The following PHF14 variants were observed in gnomAD, a reference collection of about 807,000 sequenced individuals.
PHF14 encodes PHD finger protein 14.
In PHF14, 55 loss-of-function variants were observed where a neutral mutation model predicts 117.9. The ratio of observed to expected loss-of-function variants is 0.47; its 90% confidence interval spans 0.38 to 0.58. PHF14 has a LOEUF of 0.58. Ranked by LOEUF, PHF14 falls within the 20% of genes least tolerant of loss-of-function variation. The probability of loss-of-function intolerance (pLI) is 0.00; values close to 1 mark genes in which losing one functional copy is unlikely to be tolerated. For synonymous variants in PHF14, 409 were observed against 368.6 expected (o/e 1.11, Z -1.26); for missense variants, 978 against 1,122.2 (o/e 0.87, Z 1.84).
At chr7:10,999,603 A>G (rs565246127) in intron 4 of PHF14, among the ~76,000 whole-genome samples, 7 of 152,174 alleles carry the variant, frequency 4.6e-5, no homozygotes, top group Non-Finnish European at 1.0e-4. Flanking sequence ...CATTGTTCAG[A>G]TAAACATAGA....
At chr7:11,117,820 A>C (rs1377667062) in intron 17 of PHF14, among the ~76,000 whole-genome samples, 1 of 151,830 alleles carries the variant, frequency 6.6e-6, no homozygotes, top group Non-Finnish European at 1.5e-5. Context: ...TATAAAATTA[A>C]AATGAATTAT....
At chr7:11,017,955 C>T (rs1483801360) in intron 5 of PHF14, among the ~76,000 whole-genome samples, 5 of 152,018 alleles carry the variant, frequency 3.3e-5, no homozygotes, top group South Asian at 4.1e-4. Flanking sequence ...CAAGAGATGG[C>T]GTCTAGTTTC....
intron 4 of PHF14, among the ~76,000 whole-genome samples, chr7:11,009,867 A>G (rs1783280977): frequency 6.6e-6 from 1 of 152,220 alleles, no homozygotes; most frequent in Admixed American, 6.5e-5. Flanking sequence ...TTTCCTGGGA[A>G]TGGATTTCAG....
chr7:11,114,768 C>A (rs1023174930), intron 17 of PHF14, among the ~76,000 whole-genome samples: 6 of 152,014 alleles, frequency 3.9e-5, no homozygotes, highest in African/African-American at 1.4e-4. Flanking sequence ...CATACAAATA[C>A]ACAGAGACAC....
chr7:11,149,764 TAG>T (rs1265839747), intron 17 of PHF14, among the ~76,000 whole-genome samples: 1 of 152,114 alleles, frequency 6.6e-6, no homozygotes, highest in Admixed American at 6.6e-5. Context: ...CATGAATGAA[TAG>T]AGATTCTCAC....
At chr7:11,008,120 C>A (rs529944775) in intron 4 of PHF14, among the ~76,000 whole-genome samples, 1 of 152,154 alleles carries the variant, frequency 6.6e-6, no homozygotes, top group East Asian at 1.9e-4. Flanking sequence ...AGGTAGTGTA[C>A]TTACCAGCAG....
intron 16 of PHF14, among the ~76,000 whole-genome samples, chr7:11,100,366 C>G (rs1332868530): frequency 6.6e-6 from 1 of 151,858 alleles, no homozygotes; most frequent in African/African-American, 2.4e-5. Flanking sequence ...GTTTTCTGGT[C>G]TTTGACTCTA....
chr7:11,069,492 A>T (rs538854528), intron 16 of PHF14, among the ~76,000 whole-genome samples: 25 of 152,238 alleles, frequency 1.6e-4, no homozygotes, highest in African/African-American at 5.8e-4. Flanking sequence ...TCAACCTTGC[A>T]AATCTGGGAT....
At chr7:11,006,876 A>G in intron 4 of PHF14, 3 of 585,252 alleles carry the variant, frequency 5.1e-6, no homozygotes, top group South Asian at 4.5e-5. Flanking sequence ...GTCTTGTGAA[A>G]AGCATAGTCA....
intron 2 of PHF14, among the ~76,000 whole-genome samples, chr7:10,978,866 C>T (rs1781959336): frequency 6.6e-6 from 1 of 152,136 alleles, no homozygotes; most frequent in African/African-American, 2.4e-5. Flanking sequence ...GATGACATAG[C>T]TGGAACTAGA....
intron 17 of PHF14, among the ~76,000 whole-genome samples, chr7:11,167,534 T>A (rs1789235674): frequency 6.6e-6 from 1 of 152,180 alleles, no homozygotes; most frequent in African/African-American, 2.4e-5. Context: ...ATACTAAGTA[T>A]GTCCTGTTAG....
At chr7:11,107,407 CT>C (rs1787307358) in intron 16 of PHF14, 9 of 837,694 alleles carry the variant, frequency 1.1e-5, no homozygotes, top group Admixed American at 1.3e-4. Flanking sequence ...TATTAAGCTA[CT>C]TTGTTATTTA....
rs1485243091 is a variant in PHF14 at position 11,062,160 on chromosome 7, A to G, written c.2654+75A>G. The G allele has an allele frequency of 3.2e-6, 4 of 1,259,386 alleles. No homozygotes were observed. The East Asian group carries it at 7.3e-5, about 23-fold the overall frequency. 78.0% of individuals were successfully genotyped at this position (1,259,386 alleles called of 1,614,324 possible). ...TATTTTCTCATCACAGAAAAAATGA[A>G]AAAACAATTGCAGGATAAGACCTTT... On this transcript the variant is annotated intron_variant, in intron 16 of 17. Coordinates refer to ENST00000634607, the MANE Select transcript of PHF14 (RefSeq NM_001007157.2).
At chr7:11,104,681 T>C in intron 16 of PHF14, 1 of 937,318 alleles carries the variant, frequency 1.1e-6, no homozygotes, top group South Asian at 4.9e-5. Context: ...TGCATTGGAA[T>C]CACAGGAAGG....
chr7:11,033,867 C>T (rs1784215820), intron 7 of PHF14, among the ~76,000 whole-genome samples: 1 of 152,086 alleles, frequency 6.6e-6, no homozygotes. Flanking sequence ...GAGAAAGCAG[C>T]TGTTTGTATG....
In PHF14 at chr7:11,042,827, G is replaced by T; in HGVS notation, c.2312+13G>T. On this transcript the variant is annotated intron_variant, in intron 13 of 17. Coordinates refer to ENST00000634607, the MANE Select transcript of PHF14 (RefSeq NM_001007157.2). ...AAAACAGTTATTGGTGAGTAAAATA[G>T]AGGAGATTTAGATGTTTGAATTGAT... 6.5e-7 allele frequency: 1 copy of T among 1,542,334 alleles called. No individual in the cohort carries two copies. Among genetic ancestry groups the T allele is most frequent in the South Asian group, 1.2e-5 (1 of 83,988 alleles).
At chr7:11,097,318 C>T (rs1410262509) in intron 16 of PHF14, among the ~76,000 whole-genome samples, 1 of 151,998 alleles carries the variant, frequency 6.6e-6, no homozygotes, top group Non-Finnish European at 1.5e-5. Context: ...CATATTGCCA[C>T]AATGGAGAAT....
chr7:11,047,902 GAAGGAAGGA>G (rs1583409930), intron 13 of PHF14, among the ~76,000 whole-genome samples: 1 of 119,292 alleles, frequency 8.4e-6, no homozygotes, highest in Non-Finnish European at 1.7e-5. Context: ...AGGGAGGGAG[GAAGGAAGGA>G]AAGGAAGGGA....
chr7:11,014,101 G>A (rs1411787710), intron 5 of PHF14, among the ~76,000 whole-genome samples, 195 bp downstream of exon 5: 1 of 152,174 alleles, frequency 6.6e-6, no homozygotes, highest in Non-Finnish European at 1.5e-5. Context: ...ACCTGCATTT[G>A]CCTTTACATC....
Sources: allele counts gnomAD v4.1 joint callset (sites outside exome capture counted in the v4.1 genomes callset), GRCh38; gene constraint gnomAD v4.1.1; transcripts MANE v1.5; gene names NCBI Gene and HGNC (gene_info 2026-07-23, HGNC 2026-07-21).